Variants in PKN2 observed in about 807,000 individuals in gnomAD.
The protein encoded by PKN2 is protein kinase N2.
In PKN2, 38 loss-of-function variants were observed where a neutral mutation model predicts 119.1. The observed-to-expected ratio is 0.32, with a 90% confidence interval of 0.25 to 0.42. The LOEUF (loss-of-function observed/expected upper bound fraction) is 0.42, where lower values mean the gene tolerates loss of function less well. Ranked by LOEUF, PKN2 falls within the 10% of genes least tolerant of loss-of-function variation. The pLI is 1.00. For synonymous variants in PKN2, 390 were observed against 384.9 expected (o/e 1.01, Z -0.15); for missense variants, 850 against 1,165.1 (o/e 0.73, Z 3.94).
At chr1:88,724,015 A>G (rs753506623) in intron 1 of PKN2, among the ~76,000 whole-genome samples, 3 of 152,184 alleles carry the variant, frequency 2.0e-5, no homozygotes, top group African/African-American at 4.8e-5. Flanking sequence ...ATAAGGAGAT[A>G]GAGATTTAGA....
intron 6 of PKN2, among the ~76,000 whole-genome samples, chr1:88,773,438 C>T (rs1272990324): frequency 6.6e-6 from 1 of 152,042 alleles, no homozygotes; most frequent in East Asian, 1.9e-4. Flanking sequence ...CTCAAGTGAT[C>T]TGCATGTGCC....
At chr1:88,810,369 G>A (rs1186937708) in intron 15 of PKN2, among the ~76,000 whole-genome samples, 2 of 151,864 alleles carry the variant, frequency 1.3e-5, no homozygotes, top group African/African-American at 2.4e-5. Flanking sequence ...TGATCTGCCC[G>A]CCTCAGCCTC....
chr1:88,785,322 C>CT (rs1670526960), intron 7 of PKN2, among the ~76,000 whole-genome samples: 1 of 151,966 alleles, frequency 6.6e-6, no homozygotes, highest in African/African-American at 2.4e-5. Context: ...CAGGGTCTCA[C>CT]TATGTTGCCC....
intron 1 of PKN2, among the ~76,000 whole-genome samples, chr1:88,730,208 A>G (rs1273923314): frequency 2.6e-5 from 4 of 152,136 alleles, no homozygotes; most frequent in Non-Finnish European, 2.9e-5. Flanking sequence ...ACAGGGCCCT[A>G]TATGATCTTG....
intron 2 of PKN2, among the ~76,000 whole-genome samples, chr1:88,745,089 A>G (rs932567851): frequency 1.3e-5 from 2 of 152,200 alleles, no homozygotes; most frequent in Admixed American, 6.5e-5. Flanking sequence ...TCTATGAACA[A>G]ATTAGGTATA....
intron 15 of PKN2, among the ~76,000 whole-genome samples, chr1:88,811,685 C>T (rs544344346): frequency 6.6e-6 from 1 of 152,204 alleles, no homozygotes; most frequent in Non-Finnish European, 1.5e-5. Context: ...TGCTCTTTTC[C>T]CCTTACCTAC....
At chr1:88,727,629 A>G (rs983153271) in intron 1 of PKN2, among the ~76,000 whole-genome samples, 1 of 152,222 alleles carries the variant, frequency 6.6e-6, no homozygotes, top group Admixed American at 6.5e-5. Context: ...CCTGTGGGCT[A>G]CATGTGTATT....
chr1:88,762,305 A>G (rs1009878538), intron 3 of PKN2, among the ~76,000 whole-genome samples: 3 of 152,230 alleles, frequency 2.0e-5, no homozygotes, highest in Non-Finnish European at 2.9e-5. Context: ...TCAATTTTGC[A>G]TAGCTTTTTA....
At chr1:88,792,063 T>TA (rs1167859377) in intron 8 of PKN2, among the ~76,000 whole-genome samples, 2 of 152,212 alleles carry the variant, frequency 1.3e-5, no homozygotes, top group Non-Finnish European at 2.9e-5. Flanking sequence ...CTGTAACACT[T>TA]ATCTTTTTTA....
chr1:88,796,355 T>C (rs1484377896), intron 8 of PKN2, among the ~76,000 whole-genome samples: 1 of 152,046 alleles, frequency 6.6e-6, no homozygotes, highest in Non-Finnish European at 1.5e-5. Flanking sequence ...TCCCTACCCC[T>C]CCTTACACCG....
chr1:88,737,775 A>G lies in PKN2; in HGVS notation c.49-3213A>G, dbSNP rs201037838. Among the ~76,000 whole-genome samples, 49 of 152,248 alleles carry G rather than the reference A, an allele frequency of 3.2e-4. No individual in the cohort carries two copies. The East Asian group carries it at 7.9e-3, about 25-fold the overall frequency. On this transcript the variant is annotated intron_variant, in intron 1 of 21. Coordinates refer to ENST00000370521, the MANE Select transcript of PKN2 (RefSeq NM_006256.4). Reference sequence around the variant, plus strand: ...AGACCCAGTGCTGAGCTACAAGTCAAAAGTCCTGCACTCACTTCCCTCTCC... The same window carrying G: ...AGACCCAGTGCTGAGCTACAAGTCAGAAGTCCTGCACTCACTTCCCTCTCC...
chr1:88,784,512 T>A (rs1367151574), intron 6 of PKN2, 127 bp from the exon 7 acceptor site: 1 of 459,448 alleles, frequency 2.2e-6, no homozygotes, highest in East Asian at 3.4e-5. Context: ...ACCTCATAGA[T>A]CCTCTGGGAG....
At chr1:88,692,524 C>A (rs1466331603) in intron 1 of PKN2, among the ~76,000 whole-genome samples, 1 of 152,218 alleles carries the variant, frequency 6.6e-6, no homozygotes, top group African/African-American at 2.4e-5. Context: ...TCCTCTCCAA[C>A]ACTTGATATT....
chr1:88,723,125 T>A (rs1292485574), intron 1 of PKN2, among the ~76,000 whole-genome samples: 12 of 152,090 alleles, frequency 7.9e-5, no homozygotes, highest in Admixed American at 7.9e-4. Flanking sequence ...CTTTTTTTTT[T>A]TCTTTTGAGA....
rs1672314706 is a variant in PKN2, at chr1:88,821,997, T to C, written c.2336T>C (p.Val779Ala). The change falls in exon 17 of 22, where the codon GTT (valine) becomes GCT (alanine). Residue 779 changes from valine to alanine, a missense_variant. Val to Ala is a moderately conservative substitution (Grantham distance 64). Transcript: ENST00000370521. Reference protein sequence around the residue: ...GLQYLHEHKIVYRDLKLDNLL... With the variant: ...GLQYLHEHKIAYRDLKLDNLL... ...CAGTATTTACATGAACACAAAATTG[T>C]TTATAGGTAAGTTAATTTTTAATTT... is the stretch of plus-strand genomic sequence containing the variant. The C allele has an allele frequency of 6.4e-7, 1 of 1,565,952 alleles. No individual in the cohort carries two copies. The highest frequency in any genetic ancestry group is 8.6e-7 in the Non-Finnish European group (1 of 1,160,178).
In PKN2 at chr1:88,824,307, C is replaced by T. The variant is rs778575132; in HGVS notation, c.2343-3C>T. On this transcript the variant is annotated splice_polypyrimidine_tract_variant and splice_region_variant and intron_variant, in intron 17 of 21. Coordinates refer to ENST00000370521, the MANE Select transcript of PKN2 (RefSeq NM_006256.4). ...TCATGCTGTATCTTTTTATCCTGAA[C>T]AGAGATTTGAAATTGGATAACTTAT... The T allele has an allele frequency of 3.3e-6, 5 of 1,518,584 alleles. No individual in the cohort carries two copies. Among genetic ancestry groups the T allele is most frequent in the Admixed American group, 1.7e-5 (1 of 58,130 alleles). 94.1% of individuals were successfully genotyped at this position (1,518,584 alleles called of 1,614,324 possible).
At chr1:88,775,064 T>G (rs1016275382) in intron 6 of PKN2, among the ~76,000 whole-genome samples, 28 of 152,016 alleles carry the variant, frequency 1.8e-4, no homozygotes, top group African/African-American at 6.5e-4. Flanking sequence ...TAGATAGATA[T>G]ATATATTCTC....
chr1:88,687,202 T>C (rs1310902297), intron 1 of PKN2, among the ~76,000 whole-genome samples: 1 of 152,172 alleles, frequency 6.6e-6, no homozygotes, highest in Non-Finnish European at 1.5e-5. Context: ...TCTTGTTAAT[T>C]ACTGTAATAG....
chr1:88,767,411 C>T (rs1446409221), intron 3 of PKN2, among the ~76,000 whole-genome samples: 1 of 152,140 alleles, frequency 6.6e-6, no homozygotes, highest in African/African-American at 2.4e-5. Flanking sequence ...CAAAGAAATT[C>T]ATTCATGCCT....
Sources: allele counts gnomAD v4.1 joint callset (sites outside exome capture counted in the v4.1 genomes callset), GRCh38; gene constraint gnomAD v4.1.1; transcripts MANE v1.5; gene names NCBI Gene and HGNC (gene_info 2026-07-23, HGNC 2026-07-21).